The following MID1 variants were observed in gnomAD, a reference collection of about 807,000 sequenced individuals.
The protein encoded by MID1 is midline 1, also known as E3 ubiquitin-protein ligase Midline-1.
Under a neutral mutation model 40.4 loss-of-function variants are expected in MID1, and 7 were observed. The observed-to-expected ratio is 0.17, with a 90% CI of 0.10 to 0.33. MID1 has a LOEUF of 0.33. Ranked by LOEUF, MID1 falls within the 10% of genes least tolerant of loss-of-function variation. MID1 has a pLI of 1.00. For synonymous variants in MID1, 229 were observed against 221.2 expected, an observed-to-expected ratio of 1.04 and a Z score of -0.31; for missense variants, 367 against 558.5, an observed-to-expected ratio of 0.66 and a Z score of 3.46.
chrX:10,672,342 T>C (rs1305506886), intron 1 of MID1, among the ~76,000 whole-genome samples: 2 of 112,149 alleles, frequency 1.8e-5, no homozygotes, highest in Non-Finnish European at 1.9e-5. Flanking sequence ...AAAAGGGACC[T>C]TGCAGATGTG....
chrX:10,625,729 C>A (rs1296190493), intron 1 of MID1, among the ~76,000 whole-genome samples: 1 of 111,829 alleles, frequency 8.9e-6, no homozygotes, highest in East Asian at 2.8e-4. Context: ...GAATATAATG[C>A]AATTGTTTTC....
At chrX:10,685,226 G>T (rs375921338) in intron 1 of MID1, among the ~76,000 whole-genome samples, 14 of 111,273 alleles carry the variant, frequency 1.3e-4, no homozygotes, top group African/African-American at 4.6e-4. Flanking sequence ...TTCTATTGCT[G>T]TGTATTTACT....
At chrX:10,552,040 T>G (rs1933929679) in intron 2 of MID1, among the ~76,000 whole-genome samples, 1 of 110,995 alleles carries the variant, frequency 9.0e-6, no homozygotes, top group Admixed American at 9.6e-5. Flanking sequence ...TTCTCCTGCC[T>G]CAGCCTCCCA....
chrX:10,831,888 A>G (rs1251798547), intron 1 of MID1, among the ~76,000 whole-genome samples: 2 of 112,404 alleles, frequency 1.8e-5, no homozygotes, highest in Admixed American at 9.4e-5. Context: ...AACTCACAGG[A>G]AAAACGGCAG....
intron 2 of MID1, among the ~76,000 whole-genome samples, chrX:10,549,936 AG>A (rs1933843217): frequency 8.9e-6 from 1 of 112,731 alleles, no homozygotes; most frequent in Non-Finnish European, 1.9e-5. Flanking sequence ...ATTCAGCCTC[AG>A]CAATGAAGAC....
At chrX:10,562,156 T>G (rs1934364221) in intron 2 of MID1, among the ~76,000 whole-genome samples, 1 of 104,262 alleles carries the variant, frequency 9.6e-6, no homozygotes, top group Admixed American at 1.0e-4. Flanking sequence ...CTCTCATAAG[T>G]GGAAGTTGAA....
chrX:10,761,242 TACACACACAC>T (rs61485561), intron 1 of MID1, among the ~76,000 whole-genome samples: 14 of 108,701 alleles, frequency 1.3e-4, no homozygotes, highest in Non-Finnish European at 1.7e-4. Context: ...TCCTTCATTT[TACACACACAC>T]ACACACACAC....
intron 1 of MID1, among the ~76,000 whole-genome samples, chrX:10,590,307 C>A (rs1021587176): frequency 5.5e-4 from 61 of 111,129 alleles, no homozygotes; most frequent in Middle Eastern, 4.7e-3. Flanking sequence ...AAACAATATA[C>A]AACAATATGA....
intron 1 of MID1, among the ~76,000 whole-genome samples, chrX:10,704,646 G>A (rs1228092855): frequency 3.8e-5 from 4 of 104,085 alleles, no homozygotes; most frequent in Non-Finnish European, 5.8e-5. Flanking sequence ...ATTGTAAAAG[G>A]AGATGAGTCA....
intron 1 of MID1, among the ~76,000 whole-genome samples, chrX:10,683,035 G>A (rs191662569): frequency 1.8e-5 from 2 of 111,470 alleles, no homozygotes; most frequent in East Asian, 5.6e-4. Flanking sequence ...CAGTTTAACA[G>A]TAATCAGCTT....
chrX:10,553,918 C>G (rs1435430115), intron 2 of MID1, among the ~76,000 whole-genome samples: 2 of 111,718 alleles, frequency 1.8e-5, no homozygotes, highest in Non-Finnish European at 3.8e-5. Flanking sequence ...CTCTTTCTTT[C>G]TCGCTAATTT....
intron 1 of MID1, among the ~76,000 whole-genome samples, chrX:10,771,658 A>ATTTTTTTTTTT (rs765034374): frequency 2.1e-4 from 17 of 82,266 alleles, no homozygotes; most frequent in Non-Finnish European, 3.7e-4. Context: ...TGCCTGGCTA[A>ATTTTTTTTTTT]TTTTTTTTTT....
At chrX:10,674,927 A>AT (rs2043012364) in intron 1 of MID1, among the ~76,000 whole-genome samples, 1 of 112,382 alleles carries the variant, frequency 8.9e-6, no homozygotes, top group Non-Finnish European at 1.9e-5. Flanking sequence ...AAAAGCATAT[A>AT]TTTTTTCAGG....
In MID1 at chrX:10,585,140, C is replaced by T. The variant is rs187146193; in HGVS notation, c.-56-17537G>A. Reference sequence around the variant, plus strand: ...ACTACCAGGCTTGGGTCAGGCAGGCCCAGGCCCGGTTTCAGGTCTGGTTCC... The same window carrying T: ...ACTACCAGGCTTGGGTCAGGCAGGCTCAGGCCCGGTTTCAGGTCTGGTTCC... On this transcript the variant is annotated intron_variant, in intron 1 of 9. Coordinates refer to ENST00000317552, the MANE Select transcript of MID1 (RefSeq NM_000381.4). 1.4e-4 allele frequency among the ~76,000 whole-genome samples: 16 copies of T among 111,268 alleles called. No individual in the cohort carries two copies. In the East Asian group the frequency reaches 4.0e-3, roughly 28 times the overall value.
chrX:10,694,450 C>A (rs1205823578), intron 1 of MID1, among the ~76,000 whole-genome samples: 1 of 112,284 alleles, frequency 8.9e-6, no homozygotes, highest in African/African-American at 3.2e-5. Flanking sequence ...TAAATTCTGT[C>A]TCTTCTGTTG....
At chrX:10,560,809 A>T (rs1939239238) in intron 2 of MID1, among the ~76,000 whole-genome samples, 1 of 108,551 alleles carries the variant, frequency 9.2e-6, no homozygotes, top group Non-Finnish European at 1.9e-5. Context: ...AGTAATTTAT[A>T]GATTCAATGC....
At chrX:10,468,008 A>G (rs750863648) in intron 7 of MID1, among the ~76,000 whole-genome samples, 20 of 111,641 alleles carry the variant, frequency 1.8e-4, no homozygotes, top group Non-Finnish European at 3.0e-4. Context: ...CTTTTTTTCA[A>G]GACTTAGTTT....
At chrX:10,456,941 T>C (rs917446656) in intron 8 of MID1, among the ~76,000 whole-genome samples, 6 of 112,091 alleles carry the variant, frequency 5.4e-5, no homozygotes, top group African/African-American at 1.6e-4. Context: ...GTAAGATCTA[T>C]TGGATTACAT....
At chrX:10,609,210 C>T (rs1467507463) in intron 1 of MID1, among the ~76,000 whole-genome samples, 4 of 111,386 alleles carry the variant, frequency 3.6e-5, no homozygotes, top group African/African-American at 1.3e-4. Context: ...TGAATCATTA[C>T]AGCCATTTCA....
Sources: gnomAD v4.1 joint callset for allele counts (sites outside exome capture counted in the v4.1 genomes callset) on GRCh38, gnomAD v4.1.1 for gene constraint, MANE v1.5 for transcripts, NCBI Gene and HGNC (gene_info 2026-07-23, HGNC 2026-07-21) for gene names.